Variants in DOCK9 observed in about 807,000 individuals in gnomAD.
DOCK9 encodes dedicator of cytokinesis protein 9.
In DOCK9, 89 loss-of-function variants were observed where a neutral mutation model predicts 263.3. That is an observed-to-expected ratio of 0.34 (90% CI 0.28 to 0.40). The LOEUF is 0.40. Among genes scored for constraint, DOCK9 ranks in the 10% least tolerant of loss-of-function variants. The pLI is 1.00. For synonymous variants in DOCK9, 976 were observed against 973.1 expected (o/e 1.00, Z -0.06); for missense variants, 2,140 against 2,603.4 (o/e 0.82, Z 3.87).
intron 1 of DOCK9, among the ~76,000 whole-genome samples, chr13:99,011,349 G>C (rs573498515): frequency 2.4e-4 from 37 of 152,228 alleles, no homozygotes; most frequent in Middle Eastern, 3.4e-3. Context: ...AAAGTTGAAG[G>C]GCAATATAAA....
chr13:98,811,696 C>T (rs1431738589), intron 45 of DOCK9, among the ~76,000 whole-genome samples: 12 of 152,196 alleles, frequency 7.9e-5, no homozygotes, highest in African/African-American at 2.2e-4. Context: ...ACGTGTGCCA[C>T]GGTCTGTATG....
chr13:98,899,114 T>C (rs1323602251), intron 13 of DOCK9, among the ~76,000 whole-genome samples: 1 of 151,864 alleles, frequency 6.6e-6, no homozygotes, highest in Non-Finnish European at 1.5e-5. Context: ...TCAAACCAAT[T>C]TTGGGAAATG....
rs1464944011 is a variant in DOCK9, at chr13:98,972,321, G to C, written c.126+5463C>G. Among the ~76,000 whole-genome samples, 14 of 152,218 alleles carry C rather than the reference G, an allele frequency of 9.2e-5. 1 individual carries two copies. The highest frequency in any genetic ancestry group is 9.2e-4 in the Admixed American group (14 of 15,280). ...GGCATTACCTTGCTATAAAAAAACA[G>C]TCACCAGCCATTCTCCCTCCATGCT... On this transcript the variant is annotated intron_variant, in intron 1 of 52. Transcript: ENST00000682017.
chr13:98,794,636 G>C lies in DOCK9; in HGVS notation c.6269C>G (p.Ser2090Trp), dbSNP rs752633742. Residue 2090 changes from serine (S) to tryptophan (W), a missense_variant, in exon 53 of 53, where the codon TCG becomes TGG. Around this residue, in one of 2 missense-constraint regions of DOCK9, gnomAD observed 619 missense variants for 861.8 expected, o/e 0.72. Coordinates refer to ENST00000682017, the MANE Select transcript of DOCK9 (RefSeq NM_001366683.2). The part of the protein sequence containing the change: ...TMVHGMTSSS[S>W]VV ...GGCCATGAGATGTAATCACACGACC[G>C]AAGACGAGCTGGTCATCCCGTGAAC... The C allele has an allele frequency of 1.9e-6, 3 of 1,601,858 alleles. No homozygotes were observed. Among genetic ancestry groups the C allele is most frequent in the Non-Finnish European group, 2.6e-6 (3 of 1,174,252 alleles).
At position 99,078,191 on chromosome 13, in the gene DOCK9, G is replaced by C. The variant is rs16956333; in HGVS notation, c.129+8032C>G. Among the ~76,000 whole-genome samples the C allele has an allele frequency of 7.0e-3, 1,066 of 152,234 alleles. 10 individuals are homozygous for C. The highest frequency in any genetic ancestry group is 0.024 in the African/African-American group (1,012 of 41,524). On this transcript the variant is annotated intron_variant, in intron 1 of 32. Transcript: ENST00000427887. Reference sequence around the variant, plus strand: ...CAGGAAAACAGAAAAGCAGGTCTAGGGCGGGGCACAACATGCGGTAGAAGC... The same window carrying C: ...CAGGAAAACAGAAAAGCAGGTCTAGCGCGGGGCACAACATGCGGTAGAAGC...
intron 9 of DOCK9, among the ~76,000 whole-genome samples, chr13:98,906,467 GTTC>G (rs1566928677): frequency 1.3e-5 from 2 of 152,118 alleles, no homozygotes; most frequent in East Asian, 1.9e-4. Flanking sequence ...TCTATATTCT[GTTC>G]TTCTTGTCAG....
chr13:98,991,857 A>G (rs554808965), intron 1 of DOCK9, among the ~76,000 whole-genome samples: 1 of 152,160 alleles, frequency 6.6e-6, no homozygotes, highest in South Asian at 2.1e-4. Context: ...AAATAATAAT[A>G]AGGTCGCAGA....
At chr13:99,055,646 G>C (rs1273733112) in intron 1 of DOCK9, among the ~76,000 whole-genome samples, 6 of 152,058 alleles carry the variant, frequency 3.9e-5, no homozygotes, top group Admixed American at 3.3e-4. Flanking sequence ...GGCCTAAGCT[G>C]TATTACTCAA....
rs184871461 is a variant in DOCK9 at position 98,907,694 on chromosome 13, G to A, written c.961-2988C>T. Among the ~76,000 whole-genome samples, 9 of 152,106 alleles carry A rather than the reference G, an allele frequency of 5.9e-5. No individual in the cohort carries two copies. The East Asian group carries it at 1.5e-3, about 26-fold the overall frequency. ...TACAAGATAAATAAAAAGCAAATTC[G>A]GCTTCTTAAAGTTCCTCCCATCCCT... On this transcript the variant is annotated intron_variant, in intron 9 of 52. Transcript: ENST00000682017.
At chr13:99,059,487 G>A (rs566500005) in intron 1 of DOCK9, among the ~76,000 whole-genome samples, 3 of 151,896 alleles carry the variant, frequency 2.0e-5, no homozygotes, top group Non-Finnish European at 4.4e-5. Flanking sequence ...CATTCCCGCA[G>A]CTATTTCCCA....
intron 1 of DOCK9, among the ~76,000 whole-genome samples, chr13:98,958,431 C>G (rs2141046882): frequency 6.6e-6 from 1 of 152,342 alleles, no homozygotes; most frequent in African/African-American, 2.4e-5. Flanking sequence ...TTGTTCCTTC[C>G]TTGGGGATCT....
At chr13:99,073,358 T>TCTCTCTCCTC (rs1333981046) in intron 1 of DOCK9, among the ~76,000 whole-genome samples, 94 of 111,426 alleles carry the variant, frequency 8.4e-4, no homozygotes, top group Non-Finnish European at 1.3e-3. Context: ...CTTCTTCTTC[T>TCTCTCTCCTC]TTTCTCTCTC....
At chr13:99,040,851 C>G (rs1007839550) in intron 1 of DOCK9, among the ~76,000 whole-genome samples, 3 of 152,216 alleles carry the variant, frequency 2.0e-5, no homozygotes, top group African/African-American at 4.8e-5. Context: ...TTCCCTAAGT[C>G]AGCAATGTAA....
Position 98,917,201 on chromosome 13 carries a change from T to TG in DOCK9, c.718-1699dup, listed in dbSNP as rs1205387183. ...AGTTGTACTTATAAACATCTGTCCCTGGGCCAGAAACAGGCAGCAAAACTC... is the reference window on the plus strand; with the variant it reads ...AGTTGTACTTATAAACATCTGTCCCTGGGGCCAGAAACAGGCAGCAAAACTC... On this transcript the variant is annotated intron_variant, in intron 7 of 52. Coordinates refer to ENST00000682017, the MANE Select transcript of DOCK9 (RefSeq NM_001366683.2). Among the ~76,000 whole-genome samples, 5 of 152,328 alleles carry TG rather than the reference T, an allele frequency of 3.3e-5. No individual in the cohort carries two copies. The East Asian group carries it at 9.6e-4, about 29-fold the overall frequency.
At chr13:98,860,282 C>T in intron 33 of DOCK9, 123 bp downstream of exon 33, 1 of 1,486,494 alleles carries the variant, frequency 6.7e-7, no homozygotes, top group Non-Finnish European at 9.0e-7. Context: ...GAAAAGAATA[C>T]TCAGGAAAGC....
At chr13:98,946,783 C>T (rs1297409744) in intron 2 of DOCK9, among the ~76,000 whole-genome samples, 10 of 152,300 alleles carry the variant, frequency 6.6e-5, no homozygotes, top group Non-Finnish European at 1.5e-4. Context: ...TGTCTCCCCA[C>T]TCACTTCTTT....
chr13:98,853,076 C>CA (rs2093616892), intron 35 of DOCK9, among the ~76,000 whole-genome samples: 2 of 151,940 alleles, frequency 1.3e-5, no homozygotes, highest in Non-Finnish European at 2.9e-5. Context: ...TTTTTAAAGC[C>CA]AAAAGCTATT....
chr13:99,066,878 C>T (rs189730052), intron 1 of DOCK9, among the ~76,000 whole-genome samples: 4 of 152,282 alleles, frequency 2.6e-5, no homozygotes, highest in Non-Finnish European at 5.9e-5. Context: ...ATTTCTTCTG[C>T]CACTACCCAG....
At chr13:98,890,309 C>T (rs1013317646) in intron 15 of DOCK9, among the ~76,000 whole-genome samples, 15 of 152,148 alleles carry the variant, frequency 9.9e-5, no homozygotes, top group Non-Finnish European at 2.9e-5. Context: ...CATTCATCAC[C>T]CTCCCTAGCA....
Sources: gnomAD v4.1 joint callset for allele counts (sites outside exome capture counted in the v4.1 genomes callset) on GRCh38, gnomAD v4.1.1 for gene constraint, gnomAD v4.1.1 regional missense constraint, MANE v1.5 for transcripts, NCBI Gene and HGNC (gene_info 2026-07-23, HGNC 2026-07-21) for gene names.